ZNF326: variants seen among roughly 807,000 people sequenced by gnomAD.
The protein encoded by ZNF326 is DBIRD complex subunit ZNF326.
A neutral mutation model predicts 63.1 loss-of-function variants in ZNF326; 30 were observed. That is an observed-to-expected ratio of 0.48 (90% CI 0.36 to 0.64). The LOEUF (loss-of-function observed/expected upper bound fraction) is 0.64, where lower values mean the gene tolerates loss of function less well. Among genes scored for constraint, ZNF326 ranks in the 30% least tolerant of loss-of-function variants. ZNF326 has a pLI of 0.00. For missense variants in ZNF326, 609 were observed against 720.3 expected, an observed-to-expected ratio of 0.85 and a Z score of 1.77; for synonymous variants, 194 against 228.2, an observed-to-expected ratio of 0.85 and a Z score of 1.35.
intron 5 of ZNF326, among the ~76,000 whole-genome samples, chr1:90,008,993 G>T (rs1649117659): frequency 6.6e-6 from 1 of 152,146 alleles, no homozygotes; most frequent in Non-Finnish European, 1.5e-5. Context: ...ATTGAAAATA[G>T]TTGGGATGAT....
At position 90,018,726 on chromosome 1, in the gene ZNF326, G is replaced by A; in HGVS notation, c.1116G>A (p.Lys372=). The A allele has an allele frequency of 1.9e-6, 3 of 1,580,676 alleles. No homozygotes were observed. The highest frequency in any genetic ancestry group is 1.7e-4 in the Middle Eastern group (1 of 5,962). Residue 372 remains lysine (K), a synonymous_variant, in exon 9 of 12, where the codon AAG becomes AAA. Transcript: ENST00000340281. The stretch of plus-strand genomic sequence containing the variant: ...AATTCAAGAAAACATCTATTCGTAA[G>A]CAACAGACAAATAATCAAACAGAAG... ...VNKFKKTSIR[K]QQTNNQTEVV... is the part of the protein sequence containing the mutation.
rs1229996566 is a variant in ZNF326 at position 90,030,666 on chromosome 1, C to G, written c.*2965C>G. On this transcript the variant is annotated 3_prime_UTR_variant, in exon 12 of 12. Transcript: ENST00000340281. ...TATTCTTTGGAGGTGTTCTTTTTTT[C>G]TACTTTTTTTTTTTTTTTCTTTAGG... is the stretch of plus-strand genomic sequence containing the variant. 6.7e-6 allele frequency: 1 copy of G among 149,402 alleles called. No individual in the cohort carries two copies. The highest frequency in any genetic ancestry group is 1.5e-5 in the Non-Finnish European group (1 of 67,250). The allele number at this position is 149,402 out of a possible 1,614,324, so 9.3% of individuals were successfully genotyped here. A position where few individuals can be genotyped will look rare whatever the true frequency, so the allele number is the denominator to read the frequency against.
At chr1:89,995,401 C>A in intron 1 of ZNF326, 128 bp downstream of exon 1, 1 of 1,274,036 alleles carries the variant, frequency 7.8e-7, no homozygotes. Context: ...GCCCGCCCGC[C>A]CCGGGCCCAG....
At chr1:89,995,672 C>T in intron 1 of ZNF326, among the ~76,000 whole-genome samples, 1 of 152,270 alleles carries the variant, frequency 6.6e-6, no homozygotes, top group African/African-American at 2.4e-5. Flanking sequence ...GCGACCCAGA[C>T]CGTCCGTTTA....
chr1:90,013,256 A>G lies in ZNF326; in HGVS notation c.926+19A>G. 6.7e-7 allele frequency: 1 copy of G among 1,497,842 alleles called. No homozygotes were observed. Among genetic ancestry groups the G allele is most frequent in the East Asian group, 2.4e-5 (1 of 42,288 alleles). The allele number at this position is 1,497,842 out of a possible 1,614,324, so 92.8% of individuals were successfully genotyped here. A position where few individuals can be genotyped will look rare whatever the true frequency, so the allele number is the denominator to read the frequency against. The stretch of plus-strand genomic sequence containing the variant: ...GATACAGGTTTGTACTTAGAGTCAG[A>G]AAATTAGGTTCATTAAAAAATGATT... On this transcript the variant is annotated intron_variant, in intron 7 of 11. Coordinates refer to ENST00000340281, the MANE Select transcript of ZNF326 (RefSeq NM_182976.4).
At chr1:90,004,912 G>A in intron 2 of ZNF326, 91 bp from the exon 3 acceptor site, 1 of 1,043,368 alleles carries the variant, frequency 9.6e-7, no homozygotes, top group South Asian at 1.5e-5. Context: ...AATTATCTCA[G>A]GTGATAGATA....
chr1:90,011,095 A>G (rs991469940), intron 6 of ZNF326, among the ~76,000 whole-genome samples: 3 of 152,154 alleles, frequency 2.0e-5, no homozygotes, highest in African/African-American at 7.2e-5. Flanking sequence ...AATATTGCAA[A>G]AGTTTGATAA....
At chr1:90,005,719 A>T in intron 4 of ZNF326, 1 of 984,838 alleles carries the variant, frequency 1.0e-6, no homozygotes, top group Non-Finnish European at 1.2e-6. Context: ...CATTCAGGAC[A>T]TATTCCTTTA....
At chr1:90,013,452 G>T (rs966723677) in intron 7 of ZNF326, among the ~76,000 whole-genome samples, 3 of 152,150 alleles carry the variant, frequency 2.0e-5, no homozygotes, top group Non-Finnish European at 4.4e-5. Flanking sequence ...CAATCCAAAA[G>T]ATATCAAATA....
intron 2 of ZNF326, among the ~76,000 whole-genome samples, chr1:89,999,723 A>G (rs1006771302): frequency 2.6e-5 from 4 of 152,230 alleles, no homozygotes; most frequent in African/African-American, 9.6e-5. Flanking sequence ...TTAAAGACCA[A>G]TGCTTGACAG....
At chr1:90,018,867 T>A in intron 9 of ZNF326, 83 bp downstream of exon 9, 1 of 716,240 alleles carries the variant, frequency 1.4e-6, no homozygotes, top group Non-Finnish European at 2.2e-6. Context: ...TGATAGCCAC[T>A]AGAGTGATAT....
intron 9 of ZNF326, among the ~76,000 whole-genome samples, chr1:90,019,492 A>C (rs1649661126): frequency 6.6e-6 from 1 of 151,962 alleles, no homozygotes; most frequent in African/African-American, 2.4e-5. Flanking sequence ...TTCATGAATC[A>C]TTTTTCTTCC....
Position 90,032,438 on chromosome 1 carries a change from T to A in ZNF326, c.*4737T>A, listed in dbSNP as rs895923110. 6.6e-6 allele frequency: 1 copy of A among 152,122 alleles called. No homozygotes were observed. The highest frequency in any genetic ancestry group is 1.5e-5 in the Non-Finnish European group (1 of 68,032). 9.4% of individuals were successfully genotyped at this position (152,122 alleles called of 1,614,324 possible). A position where few individuals can be genotyped will look rare whatever the true frequency, so the allele number is the denominator to read the frequency against. On this transcript the variant is annotated 3_prime_UTR_variant, in exon 12 of 12. Coordinates refer to ENST00000340281, the MANE Select transcript of ZNF326 (RefSeq NM_182976.4). ...AAGTATAGATTTAAGAGAGTTAGAT[T>A]AAAATGGCATGCTTGATTCAAGTCA...
rs1032930399 is a variant in ZNF326 at position 90,034,052 on chromosome 1, C to T, written c.*6351C>T. Reference sequence around the variant, plus strand: ...TGAATACTGACAAAATATGTGTAATCCCAAGCTTAGAAAAATCTCAAAATG... The same window carrying T: ...TGAATACTGACAAAATATGTGTAATTCCAAGCTTAGAAAAATCTCAAAATG... On this transcript the variant is annotated 3_prime_UTR_variant, in exon 12 of 12. Coordinates refer to ENST00000340281, the MANE Select transcript of ZNF326 (RefSeq NM_182976.4). The T allele has an allele frequency of 1.3e-5, 2 of 151,982 alleles. No individual in the cohort carries two copies. The highest frequency in any genetic ancestry group is 2.9e-5 in the Non-Finnish European group (2 of 67,952). 9.4% of individuals were successfully genotyped at this position (151,982 alleles called of 1,614,324 possible). A position where few individuals can be genotyped will look rare whatever the true frequency, so the allele number is the denominator to read the frequency against.
At chr1:90,016,332 T>C (rs1158832081) in intron 7 of ZNF326, among the ~76,000 whole-genome samples, 1 of 152,080 alleles carries the variant, frequency 6.6e-6, no homozygotes, top group Non-Finnish European at 1.5e-5. Flanking sequence ...CTAATAGCAT[T>C]GCAAAGAATT....
rs1330402031 is a variant in ZNF326 at position 90,027,686 on chromosome 1, A to G, written c.1734A>G (p.Gln578=). The change falls in exon 12 of 12, where the codon CAA becomes CAG. Residue 578 remains glutamine, a synonymous_variant. Coordinates refer to ENST00000340281, the MANE Select transcript of ZNF326 (RefSeq NM_182976.4). ...AACCTGCTGACTTCCCTGTTGAGCA[A>G]CCTGAAGAAAATTAAATATAAGGTA... ...KEEPADFPVE[Q]PEEN 1.4e-5 allele frequency: 22 copies of G among 1,614,016 alleles called. No homozygotes were observed. Among genetic ancestry groups the G allele is most frequent in the Middle Eastern group, 1.7e-4 (1 of 6,014 alleles).
intron 2 of ZNF326, among the ~76,000 whole-genome samples, chr1:90,000,993 TAATG>T (rs1337726453): frequency 6.6e-6 from 1 of 152,142 alleles, no homozygotes; most frequent in African/African-American, 2.4e-5. Flanking sequence ...ATGTAATTGA[TAATG>T]AAGTTAAGAG....
At chr1:90,002,420 A>G (rs1272263716) in intron 2 of ZNF326, among the ~76,000 whole-genome samples, 1 of 152,196 alleles carries the variant, frequency 6.6e-6, no homozygotes, top group Non-Finnish European at 1.5e-5. Flanking sequence ...AGCAGAAATA[A>G]AACATAAGAT....
rs763104508 is a variant in ZNF326, at chr1:90,034,073, A to G, written c.*6372A>G. 7 of 152,166 alleles carry G rather than the reference A, an allele frequency of 4.6e-5. No individual in the cohort carries two copies. The highest frequency in any genetic ancestry group is 8.8e-5 in the Non-Finnish European group (6 of 67,994). The allele number at this position is 152,166 out of a possible 1,614,324, so 9.4% of individuals were successfully genotyped here. Reference sequence around the variant, plus strand: ...TAATCCCAAGCTTAGAAAAATCTCAAAATGTCTAAAGAGAAACAGTGTACC... The same window carrying G: ...TAATCCCAAGCTTAGAAAAATCTCAGAATGTCTAAAGAGAAACAGTGTACC... On this transcript the variant is annotated 3_prime_UTR_variant, in exon 12 of 12. Coordinates refer to ENST00000340281, the MANE Select transcript of ZNF326 (RefSeq NM_182976.4).
Sources: gnomAD v4.1 joint callset for allele counts (sites outside exome capture counted in the v4.1 genomes callset) on GRCh38, gnomAD v4.1.1 for gene constraint, MANE v1.5 for transcripts, NCBI Gene and HGNC (gene_info 2026-07-23, HGNC 2026-07-21) for gene names.